Variants in TTC27 observed in about 807,000 individuals in gnomAD.
The protein encoded by TTC27 is tetratricopeptide repeat protein 27.
In TTC27, 79 loss-of-function variants were observed where a neutral mutation model predicts 115.9. The observed-to-expected ratio is 0.68, with a 90% CI of 0.57 to 0.82. TTC27 has a LOEUF of 0.82. TTC27 is among the 40% of genes least tolerant of loss of function. The probability of loss-of-function intolerance (pLI) is 0.00; values close to 1 mark genes in which losing one functional copy is unlikely to be tolerated. For synonymous variants in TTC27, 401 were observed against 356.0 expected (o/e 1.13, Z -1.42); for missense variants, 1,054 against 993.1 (o/e 1.06, Z -0.82).
chr2:32,803,369 G>A (rs1167841970), intron 16 of TTC27, among the ~76,000 whole-genome samples: 1 of 152,232 alleles, frequency 6.6e-6, no homozygotes, highest in Non-Finnish European at 1.5e-5. Flanking sequence ...GGCTGGCACT[G>A]CTGTTTCAGT....
At chr2:32,633,724 T>C (rs1664303775) in intron 2 of TTC27, 152 bp from the exon 3 acceptor site, 2 of 910,132 alleles carry the variant, frequency 2.2e-6, no homozygotes, top group Non-Finnish European at 3.0e-6. Flanking sequence ...GTTTTAAGTT[T>C]TAGAAATTTT....
intron 10 of TTC27, among the ~76,000 whole-genome samples, chr2:32,730,493 A>T (rs1053289037): frequency 6.6e-6 from 1 of 152,196 alleles, no homozygotes; most frequent in Non-Finnish European, 1.5e-5. Flanking sequence ...CTGGTCTGAA[A>T]AACCTAGACA....
rs17012247 is a variant in TTC27 at position 32,771,766 on chromosome 2, A to C, written c.1681-6116A>C. Among the ~76,000 whole-genome samples the C allele has an allele frequency of 2.2e-3, 333 of 152,346 alleles. 10 individuals are homozygous for C. In the East Asian group the frequency reaches 0.055, roughly 25 times the overall value. On this transcript the variant is annotated intron_variant, in intron 13 of 19. Coordinates refer to ENST00000317907, the MANE Select transcript of TTC27 (RefSeq NM_017735.5). ...CATCACTTTAGGAAAAGCTACTATC[A>C]GACACCATTGATGTCACTCTTGGAT...
At chr2:32,710,131 T>A (rs1667525047) in intron 10 of TTC27, among the ~76,000 whole-genome samples, 1 of 152,160 alleles carries the variant, frequency 6.6e-6, no homozygotes, top group Admixed American at 6.5e-5. Flanking sequence ...TTCTCCCATC[T>A]CAGCCTCCCG....
intron 12 of TTC27, among the ~76,000 whole-genome samples, chr2:32,746,419 C>T (rs542737904): frequency 2.0e-5 from 3 of 151,784 alleles, no homozygotes; most frequent in East Asian, 1.9e-4. Flanking sequence ...AAAAATTAGC[C>T]GGGCGTGGCA....
intron 10 of TTC27, among the ~76,000 whole-genome samples, chr2:32,716,911 C>T (rs1266215565): frequency 6.6e-6 from 1 of 151,894 alleles, no homozygotes; most frequent in East Asian, 1.9e-4. Flanking sequence ...CCAAGCTGGC[C>T]TCAGACTTCT....
intron 12 of TTC27, among the ~76,000 whole-genome samples, chr2:32,739,714 T>C (rs1668563767): frequency 6.6e-6 from 1 of 152,208 alleles, no homozygotes; most frequent in Non-Finnish European, 1.5e-5. Context: ...GTTTTTCTTA[T>C]GCTATATTTG....
chr2:32,774,387 C>T (rs574646959), intron 13 of TTC27, among the ~76,000 whole-genome samples: 3 of 152,106 alleles, frequency 2.0e-5, no homozygotes, highest in Non-Finnish European at 2.9e-5. Flanking sequence ...TTTGGCCAGG[C>T]TGGTCTTGAA....
chr2:32,730,963 C>T (rs1236331283), intron 10 of TTC27, among the ~76,000 whole-genome samples: 1 of 152,022 alleles, frequency 6.6e-6, no homozygotes, highest in African/African-American at 2.4e-5. Context: ...TCTTAGTTTT[C>T]GTTGATAGTT....
At chr2:32,784,602 G>T (rs1462726421) in intron 15 of TTC27, among the ~76,000 whole-genome samples, 3 of 152,190 alleles carry the variant, frequency 2.0e-5, no homozygotes, top group Non-Finnish European at 4.4e-5. Flanking sequence ...TTTTAATGGT[G>T]CAATATCTCT....
chr2:32,659,863 G>A lies in TTC27; in HGVS notation c.641-4440G>A, dbSNP rs145396169. Among the ~76,000 whole-genome samples the A allele has an allele frequency of 1.1e-3, 171 of 152,174 alleles. No homozygotes were observed. The East Asian group carries it at 0.022, about 20-fold the overall frequency. ...CATGAACTCATCCTTTTTTATAGCC[G>A]TATGGTATTCCATGGTGTATATGTG... On this transcript the variant is annotated intron_variant, in intron 5 of 19. Coordinates refer to ENST00000317907, the MANE Select transcript of TTC27 (RefSeq NM_017735.5).
intron 12 of TTC27, among the ~76,000 whole-genome samples, chr2:32,753,787 C>T (rs993634255): frequency 1.2e-4 from 19 of 152,180 alleles, no homozygotes; most frequent in African/African-American, 4.6e-4. Context: ...GAAACTGGGC[C>T]GGGCACAGTG....
chr2:32,718,643 A>G (rs1667826524), intron 10 of TTC27, among the ~76,000 whole-genome samples: 1 of 151,792 alleles, frequency 6.6e-6, no homozygotes, highest in African/African-American at 2.4e-5. Context: ...GCCAAAGCTG[A>G]TTGTGTTGAT....
rs1272035356 is a variant in TTC27, at chr2:32,672,345, A to T, written c.1013A>T (p.Asp338Val). ...GATTGTGAACAGTTCCAGATGCCGG[A>T]TCTGTGTGCTGAAGAGATCGCTATT... ...LADCEQFQMP[D>V]LCAEEIAIIL... The change falls in exon 8 of 20, where the codon GAT becomes GTT. Residue 338 changes from aspartate (D) to valine (V), a missense_variant. By Grantham distance (152) the Asp-to-Val change is radical (BLOSUM62 -3). Coordinates refer to ENST00000317907, the MANE Select transcript of TTC27 (RefSeq NM_017735.5). The T allele has an allele frequency of 1.2e-6, 2 of 1,613,826 alleles. No homozygotes were observed. Among genetic ancestry groups the T allele is most frequent in the African/African-American group, 2.7e-5 (2 of 74,916 alleles).
Position 32,672,322 on chromosome 2 carries a change from T to C in TTC27, c.990T>C (p.Asp330=). 1 of 1,613,976 alleles carries C rather than the reference T, an allele frequency of 6.2e-7. No homozygotes were observed. Among genetic ancestry groups the C allele is most frequent in the Non-Finnish European group, 8.5e-7 (1 of 1,179,902 alleles). The change falls in exon 8 of 20, where the codon GAT becomes GAC. Residue 330 remains aspartate, a synonymous_variant. Transcript: ENST00000317907. ...TTCTGAATGACATAAAGTTAGCAGA[T>C]TGTGAACAGTTCCAGATGCCGGATC... ...DTILNDIKLA[D]CEQFQMPDLC...
chr2:32,682,909 A>C (rs1666491664), intron 9 of TTC27, among the ~76,000 whole-genome samples: 1 of 127,870 alleles, frequency 7.8e-6, no homozygotes, highest in Admixed American at 9.8e-5. Flanking sequence ...ACTGAAGTGC[A>C]GTGGCGCGAT....
At position 32,703,807 on chromosome 2, in the gene TTC27, A is replaced by G. The variant is rs151338933; in HGVS notation, c.1233+887A>G. Among the ~76,000 whole-genome samples the G allele has an allele frequency of 1.7e-3, 265 of 152,352 alleles. 2 individuals are homozygous for G. The highest frequency in any genetic ancestry group is 5.9e-3 in the African/African-American group (247 of 41,592). On this transcript the variant is annotated intron_variant, in intron 10 of 19. Coordinates refer to ENST00000317907, the MANE Select transcript of TTC27 (RefSeq NM_017735.5). Reference sequence around the variant, plus strand: ...ATAGATGTAGGATTTCGTAACGTCAATGTCTTAGTCTGTTTGTGCTGCTAC... The same window carrying G: ...ATAGATGTAGGATTTCGTAACGTCAGTGTCTTAGTCTGTTTGTGCTGCTAC...
intron 10 of TTC27, among the ~76,000 whole-genome samples, chr2:32,724,004 C>T (rs1291202921): frequency 1.2e-4 from 9 of 75,140 alleles, no homozygotes; most frequent in Non-Finnish European, 2.5e-4. Context: ...AAGGATAATA[C>T]TAAGAGTTTA....
At chr2:32,766,534 T>TA (rs1558333056) in intron 13 of TTC27, 1 of 423,694 alleles carries the variant, frequency 2.4e-6, no homozygotes, top group Admixed American at 2.6e-5. Flanking sequence ...AGTCAGAACA[T>TA]ACACAGCATT....
Sources: allele counts gnomAD v4.1 joint callset (sites outside exome capture counted in the v4.1 genomes callset), GRCh38; gene constraint gnomAD v4.1.1; transcripts MANE v1.5; gene names NCBI Gene and HGNC (gene_info 2026-07-23, HGNC 2026-07-21).